Variants in SMC5 observed in about 807,000 individuals in gnomAD.
SMC5 encodes structural maintenance of chromosomes protein 5.
Under a neutral mutation model 148.3 loss-of-function variants are expected in SMC5, and 88 were observed. The observed-to-expected ratio is 0.59, with a 90% CI of 0.50 to 0.71. The LOEUF (loss-of-function observed/expected upper bound fraction) is 0.71, where lower values mean the gene tolerates loss of function less well. Among genes scored for constraint, SMC5 ranks in the 30% least tolerant of loss-of-function variants. SMC5 has a pLI of 0.00. For synonymous variants in SMC5, 421 were observed against 432.8 expected (o/e 0.97, Z 0.34); for missense variants, 1,142 against 1,298.9 (o/e 0.88, Z 1.86).
intron 18 of SMC5, chr9:70,346,379 G>A (rs920290199): frequency 6.7e-5 from 39 of 578,326 alleles, no homozygotes; most frequent in Non-Finnish European, 1.2e-5. Flanking sequence ...TGCAGGTTGT[G>A]CTAGGCCAAA....
rs559653757 is a variant in SMC5 at position 70,354,498 on chromosome 9, T to G, written c.*2167T>G. 1.3e-5 allele frequency: 2 copies of G among 152,198 alleles called. No individual in the cohort carries two copies. Among genetic ancestry groups the G allele is most frequent in the African/African-American group, 2.4e-5 (1 of 41,434 alleles). 9.4% of individuals were successfully genotyped at this position (152,198 alleles called of 1,614,324 possible). A position where few individuals can be genotyped will look rare whatever the true frequency, so the allele number is the denominator to read the frequency against. The stretch of plus-strand genomic sequence containing the variant: ...CCTCGGCCTCCCAAAGTGCTGGGAT[T>G]ATAGGCGTGAGCCCCTGCACCCGGC... On this transcript the variant is annotated 3_prime_UTR_variant, in exon 25 of 25. Transcript: ENST00000361138.
chr9:70,324,693 G>C (rs2036032452), intron 17 of SMC5, among the ~76,000 whole-genome samples: 1 of 152,048 alleles, frequency 6.6e-6, no homozygotes, highest in South Asian at 2.1e-4. Flanking sequence ...TTCAAGTTTA[G>C]GGGTCTCCAG....
rs181453254 is a variant in SMC5 at position 70,277,466 on chromosome 9, C to T, written c.537C>T (p.Leu179=). 1 of 1,583,936 alleles carries T rather than the reference C, an allele frequency of 6.3e-7. No individual in the cohort carries two copies. The highest frequency in any genetic ancestry group is 8.6e-7 in the Non-Finnish European group (1 of 1,168,538). The change falls in exon 4 of 25, where the codon CTC becomes CTT. Residue 179 remains leucine, a synonymous_variant. Coordinates refer to ENST00000361138, the MANE Select transcript of SMC5 (RefSeq NM_015110.4). ...NIQVGNLCQF[L]PQDKVGEFAK... Reference sequence around the variant, plus strand: ...AAGTGGGGAATCTTTGCCAGTTTCTCCCTCAGGTATGAGAGAAATAAATGT... The same window carrying T: ...AAGTGGGGAATCTTTGCCAGTTTCTTCCTCAGGTATGAGAGAAATAAATGT...
At chr9:70,321,950 A>G (rs1410726400) in intron 15 of SMC5, among the ~76,000 whole-genome samples, 1 of 152,194 alleles carries the variant, frequency 6.6e-6, no homozygotes, top group African/African-American at 2.4e-5. Context: ...AAAGATAGAT[A>G]TTAGTGACAT....
At chr9:70,301,990 G>A (rs2035370408) in intron 10 of SMC5, among the ~76,000 whole-genome samples, 1 of 152,276 alleles carries the variant, frequency 6.6e-6, no homozygotes, top group African/African-American at 2.4e-5. Context: ...AGTTCTAGGA[G>A]GACTTTGACA....
At chr9:70,275,020 C>G (rs1341393936) in intron 3 of SMC5, among the ~76,000 whole-genome samples, 1 of 152,048 alleles carries the variant, frequency 6.6e-6, no homozygotes, top group African/African-American at 2.4e-5. Context: ...GATTTTCTCT[C>G]TGGGATCACT....
chr9:70,262,158 G>A (rs143585159), intron 1 of SMC5, among the ~76,000 whole-genome samples: 1 of 152,164 alleles, frequency 6.6e-6, no homozygotes, highest in Admixed American at 6.5e-5. Context: ...GAAGAGAGTA[G>A]TGAGTGAACC....
intron 10 of SMC5, 25 bp downstream of exon 10, chr9:70,300,225 A>G: frequency 6.4e-7 from 1 of 1,565,500 alleles, no homozygotes; most frequent in Non-Finnish European, 8.6e-7. Context: ...TCATCTTGGT[A>G]GTATTGGTTT....
chr9:70,291,948 A>G (rs1429794594), intron 8 of SMC5, among the ~76,000 whole-genome samples: 1 of 152,066 alleles, frequency 6.6e-6, no homozygotes, highest in African/African-American at 2.4e-5. Context: ...GTTGCTTTTC[A>G]AGGATACCAC....
intron 17 of SMC5, among the ~76,000 whole-genome samples, chr9:70,340,043 G>A (rs181363680): frequency 9.2e-5 from 14 of 152,150 alleles, no homozygotes; most frequent in African/African-American, 3.4e-4. Flanking sequence ...CTAATTTGGA[G>A]GGATATTATG....
Position 70,324,089 on chromosome 9 carries a change from GAAC to G in SMC5, c.2346_2348del (p.Asn782del), listed in dbSNP as rs780461038. 1 of 1,601,848 alleles carries G rather than the reference GAAC, an allele frequency of 6.2e-7. No homozygotes were observed. Among genetic ancestry groups the G allele is most frequent in the Non-Finnish European group, 8.5e-7 (1 of 1,177,824 alleles). On this transcript the variant is annotated inframe_deletion, in exon 17 of 25. Coordinates refer to ENST00000361138, the MANE Select transcript of SMC5 (RefSeq NM_015110.4). ...AAAATACTACAGTGATCTCTGAGAA[GAAC>G]AAATTAGAATCAGATTATATGGCCG... is the stretch of plus-strand genomic sequence containing the variant.
At chr9:70,273,273 T>C (rs2034500443) in intron 3 of SMC5, among the ~76,000 whole-genome samples, 1 of 151,896 alleles carries the variant, frequency 6.6e-6, no homozygotes, top group South Asian at 2.1e-4. Flanking sequence ...CTTAGATTTT[T>C]CTGTTTATTC....
At chr9:70,275,162 T>C (rs1587626896) in intron 3 of SMC5, among the ~76,000 whole-genome samples, 1 of 152,182 alleles carries the variant, frequency 6.6e-6, no homozygotes, top group South Asian at 2.1e-4. Flanking sequence ...ACATTCTATA[T>C]TGACAGGTCT....
intron 18 of SMC5, 59 bp from the exon 19 acceptor site, chr9:70,346,546 T>G: frequency 6.4e-7 from 1 of 1,551,004 alleles, no homozygotes; most frequent in Middle Eastern, 1.7e-4. Context: ...AGTATAAAGT[T>G]CTAACTTCTT....
At chr9:70,320,036 G>GA (rs1429844796) in intron 15 of SMC5, among the ~76,000 whole-genome samples, 3 of 151,988 alleles carry the variant, frequency 2.0e-5, no homozygotes, top group African/African-American at 7.2e-5. Flanking sequence ...TTTGGAAAAA[G>GA]AAAAATGACC....
At chr9:70,290,442 C>T (rs2035027369) in intron 8 of SMC5, among the ~76,000 whole-genome samples, 1 of 152,126 alleles carries the variant, frequency 6.6e-6, no homozygotes, top group South Asian at 2.1e-4. Context: ...TTTAAGAATT[C>T]TGTGCCAAGA....
intron 22 of SMC5, among the ~76,000 whole-genome samples, 168 bp downstream of exon 22, chr9:70,348,206 C>CT (rs1370547563): frequency 6.6e-6 from 1 of 151,830 alleles, no homozygotes; most frequent in Non-Finnish European, 1.5e-5. Context: ...ATTAGGGTCA[C>CT]TTTTTTTGGG....
At chr9:70,300,329 CTGAATCTATACA>C (rs1199781010) in intron 10 of SMC5, 129 bp downstream of exon 10, 2 of 748,462 alleles carry the variant, frequency 2.7e-6, no homozygotes, top group Non-Finnish European at 4.1e-6. Context: ...TGGCATACTG[CTGAATCTATACA>C]TGAGCTTTTT....
chr9:70,264,499 G>C, intron 2 of SMC5, 54 bp downstream of exon 2: 1 of 1,579,800 alleles, frequency 6.3e-7, no homozygotes, highest in Non-Finnish European at 8.7e-7. Flanking sequence ...ATTGCTTTTA[G>C]TAACATCAAT....
Sources: gnomAD v4.1 joint callset for allele counts (sites outside exome capture counted in the v4.1 genomes callset) on GRCh38, gnomAD v4.1.1 for gene constraint, MANE v1.5 for transcripts, NCBI Gene and HGNC (gene_info 2026-07-23, HGNC 2026-07-21) for gene names.